The following RARS2 variants were observed in gnomAD, a reference collection of about 807,000 sequenced individuals.
RARS2 encodes the protein arginyl-tRNA synthetase 2, mitochondrial, also known as probable arginine--tRNA ligase, mitochondrial.
Under a neutral mutation model 88.5 loss-of-function variants are expected in RARS2, and 67 were observed. That is an observed-to-expected ratio of 0.76 (90% confidence interval 0.62 to 0.93). RARS2 has a LOEUF of 0.93. Ranked by LOEUF, RARS2 falls within the 40% of genes least tolerant of loss-of-function variation. RARS2 has a pLI of 0.00. For missense variants in RARS2, 664 were observed against 684.2 expected (o/e 0.97, Z 0.33); for synonymous variants, 239 against 230.3 (o/e 1.04, Z -0.34).
At chr6:87,521,087 T>C (rs1465361434) in intron 12 of RARS2, among the ~76,000 whole-genome samples, 1 of 152,198 alleles carries the variant, frequency 6.6e-6, no homozygotes, top group Admixed American at 6.5e-5. Flanking sequence ...GTACTATCTT[T>C]GGGGGGAAAC....
chr6:87,541,820 T>C (rs1462971251), intron 8 of RARS2, 98 bp downstream of exon 8: 27 of 949,636 alleles, frequency 2.8e-5, no homozygotes, highest in Non-Finnish European at 4.1e-5. Flanking sequence ...CGAGACCCTG[T>C]CTCAAAATAA....
In RARS2 at chr6:87,517,310, A is replaced by C. The variant is rs542022993; in HGVS notation, c.1512-430T>G. ...AAGAAGAGTAGAAGGATATGAAAAA[A>C]CTGTGTGTACATTTGAAGGCAAAGG... is the stretch of plus-strand genomic sequence containing the variant. On this transcript the variant is annotated intron_variant, in intron 17 of 19. Transcript: ENST00000369536. Among the ~76,000 whole-genome samples the C allele has an allele frequency of 3.9e-5, 6 of 152,174 alleles. No individual in the cohort carries two copies. The East Asian group carries it at 1.2e-3, about 29-fold the overall frequency.
At chr6:87,514,844 A>G (rs1771012422) in intron 19 of RARS2, 113 bp downstream of exon 19, 1 of 861,892 alleles carries the variant, frequency 1.2e-6, no homozygotes, top group Non-Finnish European at 2.0e-6. Context: ...CTAAGGAAGT[A>G]TACTGCTACA....
At position 87,562,826 on chromosome 6, in the gene RARS2, T is replaced by A. The variant is rs559567841; in HGVS notation, c.214-41A>T. The stretch of plus-strand genomic sequence containing the variant: ...CACACAAAGTAGGTATGTTATATAA[T>A]AGGCCTAATGAGATAGGTAGTTCTA... On this transcript the variant is annotated intron_variant, in intron 3 of 19. Coordinates refer to ENST00000369536, the MANE Select transcript of RARS2 (RefSeq NM_020320.5). 3 of 1,451,598 alleles carry A rather than the reference T, an allele frequency of 2.1e-6. No individual in the cohort carries two copies. In the South Asian group the frequency reaches 3.4e-5, roughly 17 times the overall value. The allele number at this position is 1,451,598 out of a possible 1,614,324, so 89.9% of individuals were successfully genotyped here.
intron 1 of RARS2, among the ~76,000 whole-genome samples, chr6:87,584,444 A>G (rs1192638165): frequency 2.0e-4 from 31 of 152,186 alleles, no homozygotes. Context: ...AAAGCAAAAT[A>G]CGGCACCGTA....
chr6:87,516,199 T>C (rs913236508), intron 18 of RARS2, among the ~76,000 whole-genome samples: 3 of 152,198 alleles, frequency 2.0e-5, no homozygotes, highest in African/African-American at 7.2e-5. Flanking sequence ...TCAATTTTGA[T>C]TTCAATTTGC....
At chr6:87,553,926 G>C (rs1218706275) in intron 5 of RARS2, among the ~76,000 whole-genome samples, 1 of 152,158 alleles carries the variant, frequency 6.6e-6, no homozygotes, top group Non-Finnish European at 1.5e-5. Context: ...TTTGCTCTTA[G>C]AGGGTCTGCC....
At chr6:87,525,742 T>TA (rs1315868746) in intron 10 of RARS2, among the ~76,000 whole-genome samples, 2 of 152,110 alleles carry the variant, frequency 1.3e-5, no homozygotes, top group Non-Finnish European at 2.9e-5. Flanking sequence ...AGACAGGTTT[T>TA]CACTATGTTG....
At chr6:87,572,549 TTTC>T (rs1433828622) in intron 1 of RARS2, among the ~76,000 whole-genome samples, 16 of 152,250 alleles carry the variant, frequency 1.1e-4, no homozygotes, top group South Asian at 1.0e-3. Context: ...TACTTAATAA[TTTC>T]TTCTTCTTCT....
chr6:87,525,549 C>CT (rs71554728), intron 10 of RARS2, among the ~76,000 whole-genome samples: 9,912 of 142,092 alleles, frequency 0.07, 434 homozygotes, highest in African/African-American at 0.13. Flanking sequence ...GCCTTTTTTT[C>CT]TTTTTTTTTT....
intron 4 of RARS2, among the ~76,000 whole-genome samples, chr6:87,559,698 T>A (rs2128160575): frequency 6.6e-6 from 1 of 152,302 alleles, no homozygotes; most frequent in Admixed American, 6.5e-5. Context: ...ATTCTGAAGT[T>A]ATGATACAAG....
intron 1 of RARS2, among the ~76,000 whole-genome samples, chr6:87,581,586 T>C (rs1335182384): frequency 6.6e-6 from 1 of 152,196 alleles, no homozygotes; most frequent in African/African-American, 2.4e-5. Context: ...ATGACTATAA[T>C]AAATTTAGCA....
chr6:87,519,749 G>A (rs1183693140), intron 13 of RARS2, 42 bp from the exon 14 acceptor site: 2 of 1,612,770 alleles, frequency 1.2e-6, no homozygotes, highest in Non-Finnish European at 8.5e-7. Flanking sequence ...CTAAACAAGA[G>A]CTGCTGCTGA....
chr6:87,524,490 T>A, intron 11 of RARS2, 67 bp downstream of exon 11: 2 of 1,199,166 alleles, frequency 1.7e-6, no homozygotes, highest in Non-Finnish European at 2.5e-6. Flanking sequence ...TAATTAATTG[T>A]ACATAGTGTT....
chr6:87,526,478 T>G (rs550661583), intron 10 of RARS2, among the ~76,000 whole-genome samples: 1 of 150,986 alleles, frequency 6.6e-6, no homozygotes, highest in Middle Eastern at 3.4e-3. Flanking sequence ...AAAGCACCAA[T>G]GCACTACAGC....
chr6:87,583,808 C>G (rs1487123474), intron 1 of RARS2, among the ~76,000 whole-genome samples: 2 of 152,044 alleles, frequency 1.3e-5, no homozygotes, highest in East Asian at 3.9e-4. Context: ...AGCTGAGTGA[C>G]CTTAGGTTAT....
intron 1 of RARS2, among the ~76,000 whole-genome samples, chr6:87,578,958 CAAAAAAAAAAA>C (rs72383675): frequency 2.1e-4 from 9 of 41,882 alleles, no homozygotes; most frequent in African/African-American, 2.9e-4. Context: ...GAGACTGTCT[CAAAAAAAAAAA>C]AAAAAAAAAA....
intron 1 of RARS2, among the ~76,000 whole-genome samples, chr6:87,574,795 G>A (rs916923313): frequency 1.3e-5 from 2 of 152,012 alleles, no homozygotes; most frequent in Admixed American, 6.6e-5. Flanking sequence ...ATTTTATAAG[G>A]AGTCTAAAAA....
intron 8 of RARS2, among the ~76,000 whole-genome samples, chr6:87,541,044 C>A (rs1040275329): frequency 1.3e-5 from 2 of 149,970 alleles, no homozygotes; most frequent in Non-Finnish European, 3.0e-5. Context: ...TGAGAAATTT[C>A]TGTGTCGAAT....
Sources: gnomAD v4.1 joint callset for allele counts (sites outside exome capture counted in the v4.1 genomes callset) on GRCh38, gnomAD v4.1.1 for gene constraint, MANE v1.5 for transcripts, NCBI Gene and HGNC (gene_info 2026-07-23, HGNC 2026-07-21) for gene names.